RUNDC3B: variants seen among roughly 807,000 people sequenced by gnomAD.
RUNDC3B encodes RUN domain-containing protein 3B.
A neutral mutation model predicts 58.4 loss-of-function variants in RUNDC3B; 33 were observed. The ratio of observed to expected loss-of-function variants is 0.56; its 90% CI spans 0.43 to 0.75. The LOEUF (loss-of-function observed/expected upper bound fraction) is 0.75. RUNDC3B is among the 30% of genes least tolerant of loss of function. RUNDC3B has a pLI of 0.00. For missense variants in RUNDC3B, 501 were observed against 535.7 expected (o/e 0.94, Z 0.64); for synonymous variants, 193 against 195.2 (o/e 0.99, Z 0.10).
intron 7 of RUNDC3B, among the ~76,000 whole-genome samples, chr7:87,775,903 T>C (rs994456610): frequency 2.0e-5 from 3 of 152,106 alleles, no homozygotes; most frequent in African/African-American, 7.2e-5. Context: ...AATGGCAAAA[T>C]TGCTTAGCAA....
chr7:87,818,343 T>G (rs754807233), intron 10 of RUNDC3B, among the ~76,000 whole-genome samples: 1 of 151,920 alleles, frequency 6.6e-6, no homozygotes, highest in South Asian at 2.1e-4. Flanking sequence ...ATAAAATGAG[T>G]AAAAATTAAC....
At chr7:87,700,887 G>A (rs1397209540) in intron 3 of RUNDC3B, among the ~76,000 whole-genome samples, 2 of 152,130 alleles carry the variant, frequency 1.3e-5, no homozygotes, top group Non-Finnish European at 2.9e-5. Flanking sequence ...TAAAACTGTT[G>A]GAACCTTAGC....
chr7:87,630,557 A>C (rs1260048172), intron 1 of RUNDC3B, among the ~76,000 whole-genome samples: 2 of 152,194 alleles, frequency 1.3e-5, no homozygotes, highest in Non-Finnish European at 2.9e-5. Context: ...ACAGACATCA[A>C]AAATTGCTTT....
intron 4 of RUNDC3B, among the ~76,000 whole-genome samples, chr7:87,729,423 G>C (rs1188008139): frequency 6.6e-6 from 1 of 152,158 alleles, no homozygotes; most frequent in African/African-American, 2.4e-5. Context: ...GTGCATTCAG[G>C]GGAGGCAGCA....
chr7:87,715,250 A>T (rs1475848003), intron 4 of RUNDC3B, among the ~76,000 whole-genome samples: 1 of 118,660 alleles, frequency 8.4e-6, no homozygotes, highest in Non-Finnish European at 1.7e-5. Flanking sequence ...ATATATAATT[A>T]TATTATATAT....
At chr7:87,687,676 A>G (rs1207983050) in intron 2 of RUNDC3B, among the ~76,000 whole-genome samples, 3 of 152,008 alleles carry the variant, frequency 2.0e-5, no homozygotes, top group Middle Eastern at 3.2e-3. Context: ...TTTTTTTCTG[A>G]TAGGACTTGG....
chr7:87,675,549 T>G (rs932012251), intron 2 of RUNDC3B, among the ~76,000 whole-genome samples: 1 of 150,208 alleles, frequency 6.7e-6, no homozygotes, highest in African/African-American at 2.5e-5. Flanking sequence ...AATTAATGTA[T>G]GCATATTATG....
intron 9 of RUNDC3B, 84 bp from the exon 10 acceptor site, chr7:87,816,057 A>G (rs975183259): frequency 4.5e-5 from 43 of 951,900 alleles, no homozygotes; most frequent in South Asian, 3.6e-4. Context: ...GAAATTTAAC[A>G]TATTGAAAAC....
chr7:87,691,715 T>C (rs1396644718), intron 2 of RUNDC3B, among the ~76,000 whole-genome samples: 1 of 152,216 alleles, frequency 6.6e-6, no homozygotes, highest in African/African-American at 2.4e-5. Flanking sequence ...CATGTTTCAC[T>C]ACCTCATGTT....
At chr7:87,711,061 T>C (rs1355118867) in intron 4 of RUNDC3B, among the ~76,000 whole-genome samples, 1 of 152,060 alleles carries the variant, frequency 6.6e-6, no homozygotes. Flanking sequence ...GCACGGTGGC[T>C]CACACCTATA....
At chr7:87,707,304 T>C (rs771730203) in intron 3 of RUNDC3B, among the ~76,000 whole-genome samples, 28 of 152,086 alleles carry the variant, frequency 1.8e-4, no homozygotes, top group Non-Finnish European at 1.2e-4. Flanking sequence ...TAAGCAATTA[T>C]AATAGGTTCA....
At chr7:87,688,418 G>A (rs545175928) in intron 2 of RUNDC3B, among the ~76,000 whole-genome samples, 5 of 151,164 alleles carry the variant, frequency 3.3e-5, no homozygotes, top group African/African-American at 9.7e-5. Context: ...TAATTTATAC[G>A]TATTTAGAAA....
chr7:87,751,630 C>A (rs1832993449), intron 6 of RUNDC3B, among the ~76,000 whole-genome samples: 1 of 152,002 alleles, frequency 6.6e-6, no homozygotes, highest in South Asian at 2.1e-4. Flanking sequence ...GTATTTTATT[C>A]TCTTTGAAGC....
chr7:87,675,377 C>A (rs535201594), intron 2 of RUNDC3B, among the ~76,000 whole-genome samples: 1 of 152,124 alleles, frequency 6.6e-6, no homozygotes, highest in East Asian at 1.9e-4. Flanking sequence ...TATCAAACCT[C>A]CAGTCTTGAG....
Position 87,655,619 on chromosome 7 carries a change from G to T in RUNDC3B, c.238+4682G>T, listed in dbSNP as rs1585016485. ...AAGGATATAAAAATTCAGTTAAAAG[G>T]AAATAAGTTCAAGAGATCTATTGTA... On this transcript the variant is annotated intron_variant, in intron 2 of 10. Transcript: ENST00000394654. Among the ~76,000 whole-genome samples, 4 of 152,114 alleles carry T rather than the reference G, an allele frequency of 2.6e-5. No individual in the cohort carries two copies. In the East Asian group the frequency reaches 5.8e-4, roughly 22 times the overall value.
chr7:87,748,365 CA>C (rs1832769443), intron 6 of RUNDC3B, among the ~76,000 whole-genome samples: 1 of 152,118 alleles, frequency 6.6e-6, no homozygotes, highest in Non-Finnish European at 1.5e-5. Flanking sequence ...AGGAGCAGTC[CA>C]CTCCTTCAGA....
intron 8 of RUNDC3B, among the ~76,000 whole-genome samples, chr7:87,791,167 A>G (rs1445148443): frequency 1.3e-5 from 2 of 152,164 alleles, no homozygotes; most frequent in African/African-American, 4.8e-5. Flanking sequence ...TACAGGTCCG[A>G]AGAGAGTGGC....
intron 6 of RUNDC3B, among the ~76,000 whole-genome samples, chr7:87,761,799 T>C (rs547305707): frequency 3.3e-5 from 5 of 151,912 alleles, no homozygotes; most frequent in Admixed American, 3.3e-4. Context: ...TTCAGATTAT[T>C]ATGCCCTGGG....
chr7:87,731,300 T>C (rs1015558975), intron 4 of RUNDC3B, among the ~76,000 whole-genome samples: 2 of 151,798 alleles, frequency 1.3e-5, no homozygotes, highest in African/African-American at 2.4e-5. Context: ...AAACAATAAA[T>C]TAAGGCTTAT....
Sources: allele counts gnomAD v4.1 joint callset (sites outside exome capture counted in the v4.1 genomes callset), GRCh38; gene constraint gnomAD v4.1.1; transcripts MANE v1.5; gene names NCBI Gene and HGNC (gene_info 2026-07-23, HGNC 2026-07-21).